FUT8: variants seen among roughly 807,000 people sequenced by gnomAD.
The protein encoded by FUT8 is alpha-(1,6)-fucosyltransferase.
FUT8 carries 29 observed loss-of-function variants against 71.3 expected under a neutral mutation model. The ratio of observed to expected loss-of-function variants is 0.41; its 90% CI spans 0.30 to 0.55. FUT8 has a LOEUF of 0.55. Among genes scored for constraint, FUT8 ranks in the 20% least tolerant of loss-of-function variants. The probability of loss-of-function intolerance (pLI) is 0.34; values close to 1 mark genes in which losing one functional copy is unlikely to be tolerated. For missense variants in FUT8, 544 were observed against 702.1 expected, an observed-to-expected ratio of 0.77 and a Z score of 2.55; for synonymous variants, 254 against 239.3, an observed-to-expected ratio of 1.06 and a Z score of -0.57.
intron 2 of FUT8, among the ~76,000 whole-genome samples, chr14:65,539,148 T>G (rs1566810997): frequency 1.3e-5 from 2 of 152,214 alleles, no homozygotes; most frequent in Non-Finnish European, 2.9e-5. Context: ...CTGCTTTTGT[T>G]TTTGTTCTAT....
At chr14:65,447,911 G>T (rs2065766853) in intron 1 of FUT8, among the ~76,000 whole-genome samples, 1 of 152,160 alleles carries the variant, frequency 6.6e-6, no homozygotes, top group African/African-American at 2.4e-5. Context: ...CTCAATGCCA[G>T]AATGTGTTTC....
At chr14:65,422,698 G>A (rs530201547) in intron 1 of FUT8, among the ~76,000 whole-genome samples, 4 of 152,078 alleles carry the variant, frequency 2.6e-5, no homozygotes, top group African/African-American at 7.2e-5. Flanking sequence ...TGTAGAGACA[G>A]GGTCTCACTG....
In FUT8 at chr14:65,537,322, ACT is replaced by A. The variant is rs56804284; in HGVS notation, c.-227-24012_-227-24011del. 1.2e-3 allele frequency among the ~76,000 whole-genome samples: 179 copies of A among 151,394 alleles called. 2 individuals carry two copies. The East Asian group carries it at 0.032, about 27-fold the overall frequency. ...TGTAGTCATTGGGAGGAAAGAAGAC[ACT>A]CTGGTTTTTTGAGTTGTTGGAGTTT... On this transcript the variant is annotated intron_variant, in intron 2 of 10. Coordinates refer to ENST00000673929, the MANE Select transcript of FUT8 (RefSeq NM_001371533.1).
chr14:65,385,917 C>T, the FUT8 span, among the ~76,000 whole-genome samples: 2 of 151,820 alleles, frequency 1.3e-5, no homozygotes, highest in Non-Finnish European at 2.9e-5. Flanking sequence ...TTTGGGAGGC[C>T]GAGGCGGGTA....
intron 5 of FUT8, among the ~76,000 whole-genome samples, chr14:65,623,256 A>G (rs1594829417): frequency 6.6e-6 from 1 of 152,120 alleles, no homozygotes; most frequent in African/African-American, 2.4e-5. Context: ...TTGGTTCCTC[A>G]GTGGCATAGA....
At chr14:65,436,084 C>T (rs1327652552) in intron 1 of FUT8, among the ~76,000 whole-genome samples, 1 of 151,880 alleles carries the variant, frequency 6.6e-6, no homozygotes, top group Non-Finnish European at 1.5e-5. Context: ...GTGTGTGCCA[C>T]CATGTCTGGC....
chr14:65,599,071 G>C (rs1476890138), intron 3 of FUT8, among the ~76,000 whole-genome samples: 2 of 152,202 alleles, frequency 1.3e-5, no homozygotes, highest in East Asian at 3.8e-4. Context: ...TTACAGGTGT[G>C]AGTCACCACG....
chr14:65,720,472 T>C (rs915902217), intron 7 of FUT8, among the ~76,000 whole-genome samples: 5 of 152,214 alleles, frequency 3.3e-5, no homozygotes, highest in Admixed American at 2.6e-4. Flanking sequence ...GTGGCTGAGC[T>C]GTTATCCAAG....
chr14:65,548,758 G>T (rs1362402709), intron 2 of FUT8, among the ~76,000 whole-genome samples: 1 of 151,998 alleles, frequency 6.6e-6, no homozygotes, highest in Non-Finnish European at 1.5e-5. Flanking sequence ...AAATTTTGCT[G>T]TGTGCAAGAT....
intron 5 of FUT8, among the ~76,000 whole-genome samples, chr14:65,617,697 C>T (rs556231164): frequency 6.6e-6 from 1 of 152,078 alleles, no homozygotes; most frequent in Non-Finnish European, 1.5e-5. Flanking sequence ...GTAATCCCAG[C>T]ACTTTGGGAG....
chr14:65,420,895 G>A (rs905986697), intron 1 of FUT8, among the ~76,000 whole-genome samples: 3 of 152,134 alleles, frequency 2.0e-5, no homozygotes, highest in African/African-American at 4.8e-5. Context: ...AAAAGAAAAT[G>A]TTATTAAGAA....
the FUT8 span, among the ~76,000 whole-genome samples, chr14:65,375,543 C>T: frequency 6.6e-6 from 1 of 152,008 alleles, no homozygotes. Flanking sequence ...ATCACTTGAG[C>T]CCAGAATGTT....
At chr14:65,680,541 C>T (rs1892989520) in intron 7 of FUT8, among the ~76,000 whole-genome samples, 1 of 152,184 alleles carries the variant, frequency 6.6e-6, no homozygotes, top group African/African-American at 2.4e-5. Context: ...TGTTCAGCTG[C>T]TCTATTTGTG....
chr14:65,458,817 ATC>A (rs1331365351), intron 2 of FUT8, among the ~76,000 whole-genome samples: 4 of 146,046 alleles, frequency 2.7e-5, no homozygotes, highest in African/African-American at 1.0e-4. Flanking sequence ...TGAGACAAGA[ATC>A]TCTCTGCCAC....
the FUT8 span, among the ~76,000 whole-genome samples, chr14:65,389,217 CTTTTT>C: frequency 6.6e-6 from 1 of 150,808 alleles, no homozygotes; most frequent in Non-Finnish European, 1.5e-5. Context: ...TTTTTATTTT[CTTTTT>C]GAGACAAGGT....
intron 6 of FUT8, among the ~76,000 whole-genome samples, chr14:65,650,707 CAAAAAAAAAAA>C (rs57971519): frequency 3.4e-5 from 4 of 118,956 alleles, no homozygotes; most frequent in Middle Eastern, 4.4e-3. Context: ...CTGCTAATTA[CAAAAAAAAAAA>C]AAAAAAAAAA....
chr14:65,642,602 CAAAAAAAAAAAA>C (rs71126774), intron 6 of FUT8, among the ~76,000 whole-genome samples: 1 of 95,662 alleles, frequency 1.0e-5, no homozygotes, highest in Non-Finnish European at 2.1e-5. Context: ...GACTCCGTCT[CAAAAAAAAAAAA>C]AAAAAAAAAA....
rs1566851052 is a variant in FUT8, at chr14:65,611,214, CGCGCGCGCG to C, written c.204-4763_204-4755del. On this transcript the variant is annotated intron_variant, in intron 3 of 10. Transcript: ENST00000673929. ...ACACACACACGCGCGCGCGCGCGCG[CGCGCGCGCG>C]CACACACACACACACACACACACAC... Among the ~76,000 whole-genome samples the C allele has an allele frequency of 5.2e-3, 49 of 9,440 alleles. 5 individuals carry two copies. The highest frequency in any genetic ancestry group is 0.024 in the Non-Finnish European group (43 of 1,756). The allele number at this position is 9,440 out of a possible 152,430, so 6.2% of individuals were successfully genotyped here. A position where few individuals can be genotyped will look rare whatever the true frequency, so the allele number is the denominator to read the frequency against.
the FUT8 span, among the ~76,000 whole-genome samples, chr14:65,390,409 G>T: frequency 6.6e-6 from 1 of 151,542 alleles, no homozygotes; most frequent in Non-Finnish European, 1.5e-5. Flanking sequence ...TTCAGGGAAG[G>T]GGGACTAGGG....
Sources: allele counts gnomAD v4.1 joint callset (sites outside exome capture counted in the v4.1 genomes callset), GRCh38; gene constraint gnomAD v4.1.1; transcripts MANE v1.5; gene names NCBI Gene and HGNC (gene_info 2026-07-23, HGNC 2026-07-21).